The following STXBP5L variants were observed in gnomAD, a reference collection of about 807,000 sequenced individuals.
STXBP5L encodes syntaxin-binding protein 5-like.
A neutral mutation model predicts 144.5 loss-of-function variants in STXBP5L; 65 were observed. The observed-to-expected ratio is 0.45, with a 90% CI of 0.37 to 0.55. The LOEUF is 0.55. Among genes scored for constraint, STXBP5L ranks in the 20% least tolerant of loss-of-function variants. The pLI is 0.00. For missense variants in STXBP5L, 1,298 were observed against 1,405.5 expected (o/e 0.92, Z 1.22); for synonymous variants, 505 against 469.6 (o/e 1.08, Z -0.97).
chr3:121,289,502 A>G (rs1283212035), intron 19 of STXBP5L, among the ~76,000 whole-genome samples: 1 of 152,186 alleles, frequency 6.6e-6, no homozygotes, highest in African/African-American at 2.4e-5. Context: ...ATTCAGACAG[A>G]AAGTCAACAA....
At chr3:121,319,287 G>A (rs1336340115) in intron 20 of STXBP5L, among the ~76,000 whole-genome samples, 1 of 152,062 alleles carries the variant, frequency 6.6e-6, no homozygotes, top group Non-Finnish European at 1.5e-5. Flanking sequence ...AGAAACTGTA[G>A]TTCCTTTTTA....
At chr3:120,952,123 G>A (rs1425893894) in intron 2 of STXBP5L, among the ~76,000 whole-genome samples, 1 of 149,800 alleles carries the variant, frequency 6.7e-6, no homozygotes, top group African/African-American at 2.5e-5. Context: ...CATGGATACA[G>A]GAAGGGGAAC....
intron 22 of STXBP5L, among the ~76,000 whole-genome samples, chr3:121,388,688 G>A (rs1430793870): frequency 6.6e-6 from 1 of 151,952 alleles, no homozygotes; most frequent in Non-Finnish European, 1.5e-5. Context: ...TATGTGATGG[G>A]TACGTTTATT....
intron 3 of STXBP5L, among the ~76,000 whole-genome samples, chr3:120,959,358 A>G (rs1008359907): frequency 6.6e-6 from 1 of 152,204 alleles, no homozygotes; most frequent in South Asian, 2.1e-4. Context: ...TGCCATCCCC[A>G]TCAAGCTACC....
At chr3:121,054,617 A>C (rs1948311678) in intron 5 of STXBP5L, among the ~76,000 whole-genome samples, 1 of 149,436 alleles carries the variant, frequency 6.7e-6, no homozygotes, top group Non-Finnish European at 1.5e-5. Flanking sequence ...GAGGGATAGC[A>C]TTAGGAGATA....
intron 20 of STXBP5L, among the ~76,000 whole-genome samples, chr3:121,377,991 A>G (rs2108677162): frequency 6.6e-6 from 1 of 152,326 alleles, no homozygotes; most frequent in South Asian, 2.1e-4. Flanking sequence ...ATGCAGACAT[A>G]AAAAAGAATG....
At chr3:121,301,330 G>T (rs1360962639) in intron 19 of STXBP5L, among the ~76,000 whole-genome samples, 1 of 151,856 alleles carries the variant, frequency 6.6e-6, no homozygotes, top group South Asian at 2.1e-4. Context: ...GAGTTCACTC[G>T]ATTTGGCTCT....
chr3:121,391,581 AC>A (rs935336563), intron 22 of STXBP5L, among the ~76,000 whole-genome samples: 1 of 149,234 alleles, frequency 6.7e-6, no homozygotes, highest in African/African-American at 2.5e-5. Flanking sequence ...GGTGTAGATG[AC>A]CTTTTTGTTG....
intron 5 of STXBP5L, among the ~76,000 whole-genome samples, chr3:121,087,702 A>AT (rs1386703623): frequency 2.0e-5 from 3 of 151,326 alleles, no homozygotes; most frequent in African/African-American, 7.3e-5. Context: ...TCTCCATTTT[A>AT]TTTTTTGTTT....
At chr3:121,095,851 G>T (rs1035599693) in intron 5 of STXBP5L, among the ~76,000 whole-genome samples, 29 of 152,140 alleles carry the variant, frequency 1.9e-4, no homozygotes, top group Non-Finnish European at 4.0e-4. Flanking sequence ...CTTTGGAGGG[G>T]GAGAGGCACT....
At chr3:121,234,407 A>G (rs1209313357) in intron 12 of STXBP5L, among the ~76,000 whole-genome samples, 1 of 152,058 alleles carries the variant, frequency 6.6e-6, no homozygotes, top group Non-Finnish European at 1.5e-5. Flanking sequence ...TCACTTCCTT[A>G]TTTAAAAAAA....
At chr3:121,410,731 A>ATCT (rs1210188475) in intron 23 of STXBP5L, among the ~76,000 whole-genome samples, 2,200 of 152,156 alleles carry the variant, frequency 0.014, 45 homozygotes, top group African/African-American at 0.049. Context: ...GCTGTAAGAG[A>ATCT]CACTTTTTGT....
intron 5 of STXBP5L, among the ~76,000 whole-genome samples, chr3:121,060,618 G>C (rs1450747068): frequency 6.6e-6 from 1 of 152,188 alleles, no homozygotes; most frequent in East Asian, 1.9e-4. Context: ...GTTTTTGGTT[G>C]TTAGGCTATT....
intron 5 of STXBP5L, among the ~76,000 whole-genome samples, chr3:121,092,201 G>A (rs1034278910): frequency 1.3e-5 from 2 of 152,060 alleles, no homozygotes; most frequent in Non-Finnish European, 2.9e-5. Flanking sequence ...AAGTCAGGTA[G>A]CATGATGCCT....
At chr3:121,245,286 CGAA>C (rs1433140486) in intron 14 of STXBP5L, among the ~76,000 whole-genome samples, 2 of 143,728 alleles carry the variant, frequency 1.4e-5, no homozygotes, top group African/African-American at 2.6e-5. Context: ...ATGGTAAACA[CGAA>C]GAAAATGCCT....
intron 9 of STXBP5L, among the ~76,000 whole-genome samples, chr3:121,164,662 G>A (rs2046439173): frequency 1.3e-5 from 2 of 152,134 alleles, no homozygotes; most frequent in Non-Finnish European, 2.9e-5. Flanking sequence ...TGATGCATGG[G>A]TAAAGAAACC....
chr3:121,121,591 A>C, intron 6 of STXBP5L, 50 bp from the exon 7 acceptor site: 1 of 1,302,002 alleles, frequency 7.7e-7, no homozygotes, highest in Non-Finnish European at 1.1e-6. Flanking sequence ...TCTAGTGGTA[A>C]GGTATTTTAA....
chr3:120,978,231 G>A (rs1389126845), intron 3 of STXBP5L, among the ~76,000 whole-genome samples: 1 of 152,144 alleles, frequency 6.6e-6, no homozygotes, highest in South Asian at 2.1e-4. Context: ...TTTCTTGGAG[G>A]CTTTGTTCGT....
chr3:121,296,177 C>T (rs890691179), intron 19 of STXBP5L, among the ~76,000 whole-genome samples: 4 of 152,204 alleles, frequency 2.6e-5, no homozygotes, highest in African/African-American at 9.6e-5. Flanking sequence ...TTGCTTTACT[C>T]TATTCACATG....
Sources: allele counts gnomAD v4.1 joint callset (sites outside exome capture counted in the v4.1 genomes callset), GRCh38; gene constraint gnomAD v4.1.1; transcripts MANE v1.5; gene names NCBI Gene and HGNC (gene_info 2026-07-23, HGNC 2026-07-21).